Variants in MRTFB observed in about 807,000 individuals in gnomAD.
MRTFB encodes the protein myocardin-related transcription factor B.
In MRTFB, 29 loss-of-function variants were observed where a neutral mutation model predicts 104.2. The ratio of observed to expected loss-of-function variants is 0.28; its 90% confidence interval spans 0.21 to 0.38. MRTFB has a LOEUF of 0.38. MRTFB is among the 10% of genes least tolerant of loss of function. MRTFB has a pLI of 1.00. For synonymous variants in MRTFB, 535 were observed against 519.5 expected, an observed-to-expected ratio of 1.03 and a Z score of -0.41; for missense variants, 1,270 against 1,341.6, an observed-to-expected ratio of 0.95 and a Z score of 0.83.
chr16:14,217,419 G>A (rs1428059984), intron 7 of MRTFB, 132 bp downstream of exon 7: 2 of 720,894 alleles, frequency 2.8e-6, no homozygotes, highest in East Asian at 2.7e-5. Flanking sequence ...TTAACACAGT[G>A]ATTTGTGTTA....
At chr16:14,128,797 A>G (rs1407936342) in intron 2 of MRTFB, among the ~76,000 whole-genome samples, 1 of 152,190 alleles carries the variant, frequency 6.6e-6, no homozygotes, top group African/African-American at 2.4e-5. Flanking sequence ...GTACAGTATC[A>G]TTGTTTTAAT....
chr16:13,996,939 C>T, the MRTFB span, among the ~76,000 whole-genome samples: 6 of 152,176 alleles, frequency 3.9e-5, no homozygotes, highest in African/African-American at 1.2e-4. Flanking sequence ...AGGGAGAGTT[C>T]GGCCCACAAA....
At chr16:14,009,094 A>G in the MRTFB span, among the ~76,000 whole-genome samples, 1 of 152,016 alleles carries the variant, frequency 6.6e-6, no homozygotes, top group Non-Finnish European at 1.5e-5. Context: ...GACTGCAGGC[A>G]TGGCCACTAC....
chr16:14,069,464 ACATCC>A (rs2033568393), upstream of MRTFB, among the ~76,000 whole-genome samples: 2 of 152,160 alleles, frequency 1.3e-5, no homozygotes, highest in Admixed American at 6.5e-5. Flanking sequence ...CTGCCATCAT[ACATCC>A]CCTCTTATGA....
At chr16:14,111,629 C>A in intron 2 of MRTFB, among the ~76,000 whole-genome samples, 1 of 152,222 alleles carries the variant, frequency 6.6e-6, no homozygotes, top group East Asian at 1.9e-4. Context: ...TGAAGTGGCT[C>A]TATCCCCTCT....
At position 14,247,502 on chromosome 16, in the gene MRTFB, C is replaced by T. The variant is rs781585233; in HGVS notation, c.2242C>T (p.Leu748Phe). The T allele has an allele frequency of 1.1e-5, 17 of 1,550,046 alleles. No homozygotes were observed. The Admixed American group carries it at 2.9e-4, about 26-fold the overall frequency. Residue 748 changes from leucine (L) to phenylalanine (F), a missense_variant, in exon 12 of 17, where the codon CTC becomes TTC. By Grantham distance (22) the Leu-to-Phe change is conservative. This residue lies in a region of MRTFB where 1,144 missense variants were observed against 1,131.5 expected (regional missense o/e 1.01). Coordinates refer to ENST00000571589, the MANE Select transcript of MRTFB (RefSeq NM_001308142.2). ...GCAACTCCCTGTAGGCAGCCTCAAA[C>T]TCCAGGTGTGAAGTGTGTCTTCTAA... ...SVQLPVGSLKLQTSPQAGMQT... is the reference protein window; with the variant it reads ...SVQLPVGSLKFQTSPQAGMQT...
upstream of MRTFB, among the ~76,000 whole-genome samples, chr16:14,070,525 G>A (rs2033621819): frequency 6.6e-6 from 1 of 152,240 alleles, no homozygotes; most frequent in Admixed American, 6.5e-5. Flanking sequence ...CATAAAAATA[G>A]TCACACAGTC....
chr16:14,215,159 A>T (rs1474765786), intron 6 of MRTFB, among the ~76,000 whole-genome samples: 2 of 152,266 alleles, frequency 1.3e-5, no homozygotes, highest in Non-Finnish European at 2.9e-5. Context: ...ATTAAAATCA[A>T]GGAAAATACA....
the MRTFB span, among the ~76,000 whole-genome samples, chr16:14,061,164 A>C: frequency 6.6e-6 from 1 of 152,280 alleles, no homozygotes; most frequent in East Asian, 1.9e-4. Flanking sequence ...AACAAAAAAA[A>C]ACACCAAAGT....
chr16:14,081,459 A>G (rs557475005), intron 2 of MRTFB, among the ~76,000 whole-genome samples: 2 of 152,086 alleles, frequency 1.3e-5, no homozygotes, highest in Non-Finnish European at 2.9e-5. Context: ...TGCCCGGCTA[A>G]TTTTTGTATT....
At chr16:14,094,342 TG>T (rs1203373988) in intron 2 of MRTFB, among the ~76,000 whole-genome samples, 2 of 152,174 alleles carry the variant, frequency 1.3e-5, no homozygotes, top group Admixed American at 1.3e-4. Context: ...TTTGTCTGAG[TG>T]TAGAAAGTAT....
At chr16:14,129,198 A>G (rs1299037567) in intron 2 of MRTFB, among the ~76,000 whole-genome samples, 1 of 152,242 alleles carries the variant, frequency 6.6e-6, no homozygotes, top group Non-Finnish European at 1.5e-5. Context: ...GACAATTATG[A>G]ATATAGCTGT....
chr16:14,219,989 T>C (rs1428146649), intron 8 of MRTFB, among the ~76,000 whole-genome samples: 1 of 152,182 alleles, frequency 6.6e-6, no homozygotes, highest in Non-Finnish European at 1.5e-5. Context: ...ACAATGGTTG[T>C]GGAAGCTTGT....
At chr16:14,196,638 T>A (rs1316222989) in intron 3 of MRTFB, among the ~76,000 whole-genome samples, 2 of 152,250 alleles carry the variant, frequency 1.3e-5, no homozygotes, top group Non-Finnish European at 2.9e-5. Flanking sequence ...GAAAATAGTC[T>A]TAATATCAAA....
the MRTFB span, among the ~76,000 whole-genome samples, chr16:14,004,030 T>C: frequency 6.8e-6 from 1 of 147,494 alleles, no homozygotes; most frequent in South Asian, 2.1e-4. Context: ...GACAGTTGCA[T>C]TTGAGGGTTC....
At chr16:14,257,785 T>C (rs190716065) in intron 15 of MRTFB, among the ~76,000 whole-genome samples, 15 of 152,334 alleles carry the variant, frequency 9.8e-5, no homozygotes, top group Non-Finnish European at 1.9e-4. Context: ...TACAAATTTT[T>C]ACCTAAATAC....
rs977683243 is a variant in MRTFB at position 14,266,336 on chromosome 16, C to T, written c.*4892C>T. ...GAAATTAGTTTTCTTTTCTTGCTTG[C>T]AATAGAAATGCAATGTGATAGGTGT... On this transcript the variant is annotated 3_prime_UTR_variant, in exon 17 of 17. Coordinates refer to ENST00000571589, the MANE Select transcript of MRTFB (RefSeq NM_001308142.2). The T allele has an allele frequency of 6.6e-6, 1 of 151,946 alleles. No homozygotes were observed. Among genetic ancestry groups the T allele is most frequent in the Non-Finnish European group, 1.5e-5 (1 of 68,002 alleles). The allele number at this position is 151,946 out of a possible 1,614,324, so 9.4% of individuals were successfully genotyped here. A position where few individuals can be genotyped will look rare whatever the true frequency, so the allele number is the denominator to read the frequency against.
chr16:14,254,608 T>C (rs1423540360), intron 15 of MRTFB, among the ~76,000 whole-genome samples: 1 of 152,256 alleles, frequency 6.6e-6, no homozygotes, highest in Non-Finnish European at 1.5e-5. Flanking sequence ...GCTTAGCAGC[T>C]CAGCTGAAGA....
chr16:14,135,755 C>T (rs914144114), intron 2 of MRTFB, among the ~76,000 whole-genome samples: 2 of 152,100 alleles, frequency 1.3e-5, no homozygotes. Flanking sequence ...TTTTAGAGTC[C>T]ACATTCCTTT....
Sources: allele counts gnomAD v4.1 joint callset (sites outside exome capture counted in the v4.1 genomes callset), GRCh38; gene constraint gnomAD v4.1.1; regional missense constraint gnomAD v4.1.1; transcripts MANE v1.5; gene names NCBI Gene and HGNC (gene_info 2026-07-23, HGNC 2026-07-21).